The following DPYD variants were observed in gnomAD, a reference collection of about 807,000 sequenced individuals.
DPYD encodes dihydropyrimidine dehydrogenase.
DPYD carries 109 observed loss-of-function variants against 116.2 expected under a neutral mutation model. That is an observed-to-expected ratio of 0.94 (90% CI 0.80 to 1.10). The LOEUF (loss-of-function observed/expected upper bound fraction) is 1.10. DPYD is among the 50% of genes least tolerant of loss of function. The pLI, the probability that DPYD is intolerant of heterozygous loss-of-function variation, is 0.00. For synonymous variants in DPYD, 440 were observed against 432.0 expected, an observed-to-expected ratio of 1.02 and a Z score of -0.23; for missense variants, 1,302 against 1,254.5, an observed-to-expected ratio of 1.04 and a Z score of -0.57.
chr1:97,532,366 G>A (rs1286713316), intron 12 of DPYD, among the ~76,000 whole-genome samples: 1 of 152,100 alleles, frequency 6.6e-6, no homozygotes, highest in Non-Finnish European at 1.5e-5. Flanking sequence ...TCTTTGTCTG[G>A]ATTTGGTAAC....
intron 3 of DPYD, among the ~76,000 whole-genome samples, chr1:97,801,487 T>C (rs376880484): frequency 6.6e-6 from 1 of 151,926 alleles, no homozygotes; most frequent in Non-Finnish European, 1.5e-5. Context: ...TTAAAGATTT[T>C]TAAAATGTAA....
At chr1:97,917,291 C>T (rs1674265628) in intron 1 of DPYD, among the ~76,000 whole-genome samples, 1 of 152,092 alleles carries the variant, frequency 6.6e-6, no homozygotes, top group Admixed American at 6.5e-5. Context: ...ATCCATGATT[C>T]TCCTTCCTCC....
intron 13 of DPYD, among the ~76,000 whole-genome samples, chr1:97,469,548 G>C (rs1355693145): frequency 6.6e-6 from 1 of 151,676 alleles, no homozygotes; most frequent in Admixed American, 6.6e-5. Context: ...ATAGGTATAA[G>C]CATCACTGTT....
At chr1:97,408,294 G>A (rs1334481492) in intron 14 of DPYD, among the ~76,000 whole-genome samples, 1 of 152,164 alleles carries the variant, frequency 6.6e-6, no homozygotes, top group African/African-American at 2.4e-5. Flanking sequence ...ACCAGCTACA[G>A]AAATGAGGAC....
intron 1 of DPYD, among the ~76,000 whole-genome samples, chr1:97,907,055 T>C (rs924969379): frequency 3.3e-5 from 5 of 151,946 alleles, no homozygotes; most frequent in Admixed American, 6.6e-5. Context: ...GCAGGGAGCT[T>C]AGAAAGTGTG....
intron 16 of DPYD, among the ~76,000 whole-genome samples, chr1:97,325,656 T>TA (rs1341336897): frequency 6.6e-6 from 1 of 152,034 alleles, no homozygotes; most frequent in Non-Finnish European, 1.5e-5. Context: ...GATTACTTTT[T>TA]ATTAACTTCT....
chr1:97,882,850 T>C (rs747315311), intron 2 of DPYD, among the ~76,000 whole-genome samples: 3 of 152,060 alleles, frequency 2.0e-5, no homozygotes, highest in Non-Finnish European at 4.4e-5. Context: ...GCTTTCTTCA[T>C]TTAGACTATA....
chr1:97,345,775 T>C (rs140767185), intron 16 of DPYD, among the ~76,000 whole-genome samples: 56 of 152,040 alleles, frequency 3.7e-4, no homozygotes, highest in Middle Eastern at 3.4e-3. Flanking sequence ...TGATAACATA[T>C]AGTATGCATA....
intron 8 of DPYD, among the ~76,000 whole-genome samples, chr1:97,638,845 G>C (rs2100812282): frequency 6.6e-6 from 1 of 152,172 alleles, no homozygotes; most frequent in Middle Eastern, 3.4e-3. Flanking sequence ...ACAATGCCAA[G>C]CTATTCATGA....
chr1:97,242,198 T>C (rs1475068271), intron 18 of DPYD, among the ~76,000 whole-genome samples: 1 of 139,396 alleles, frequency 7.2e-6, no homozygotes, highest in Admixed American at 7.4e-5. Flanking sequence ...GAAGAATCTG[T>C]TCCATTAGTG....
chr1:97,407,992 G>C (rs1397789664), intron 14 of DPYD, among the ~76,000 whole-genome samples: 1 of 152,156 alleles, frequency 6.6e-6, no homozygotes, highest in Non-Finnish European at 1.5e-5. Flanking sequence ...AGCCTATCAA[G>C]ATGAAATCAG....
intron 16 of DPYD, among the ~76,000 whole-genome samples, chr1:97,340,657 C>T (rs1176489025): frequency 1.3e-5 from 2 of 152,098 alleles, no homozygotes; most frequent in Non-Finnish European, 2.9e-5. Flanking sequence ...GCTTGAGCAA[C>T]AGAGTGAGAC....
chr1:97,883,670 C>T (rs1472371333), intron 1 of DPYD, among the ~76,000 whole-genome samples: 1 of 151,898 alleles, frequency 6.6e-6, no homozygotes, highest in East Asian at 1.9e-4. Context: ...TGGTCTTGAA[C>T]TCCTGGTCTC....
At position 97,752,651 on chromosome 1, in the gene DPYD, T is replaced by A. The variant is rs185255602; in HGVS notation, c.234-12172A>T. Among the ~76,000 whole-genome samples, 58 of 152,322 alleles carry A rather than the reference T, an allele frequency of 3.8e-4. No individual in the cohort carries two copies. In the Middle Eastern group the frequency reaches 0.031, roughly 80 times the overall value. ...TTTTCAAACTGTGCATTCCACATGC[T>A]CTTCCCTTTCCTGAAGAGCCACACT... On this transcript the variant is annotated intron_variant, in intron 3 of 22. Transcript: ENST00000370192.
chr1:97,472,603 A>G (rs1487356573), intron 13 of DPYD, among the ~76,000 whole-genome samples: 1 of 152,246 alleles, frequency 6.6e-6, no homozygotes, highest in Non-Finnish European at 1.5e-5. Context: ...GAATACAGTA[A>G]GCAGATGATG....
chr1:97,311,144 C>A (rs1324534442), intron 16 of DPYD, among the ~76,000 whole-genome samples: 1 of 151,370 alleles, frequency 6.6e-6, no homozygotes, highest in East Asian at 1.9e-4. Context: ...GGAAATGTTC[C>A]ATTTTCTTTA....
At chr1:97,227,804 C>T (rs975415408) in intron 19 of DPYD, among the ~76,000 whole-genome samples, 3 of 151,702 alleles carry the variant, frequency 2.0e-5, no homozygotes, top group Non-Finnish European at 2.9e-5. Flanking sequence ...TTTGGTATAT[C>T]AAGTGATAAT....
In DPYD at chr1:97,727,025, A is replaced by G. The variant is rs143442237; in HGVS notation, c.322-5354T>C. Among the ~76,000 whole-genome samples the G allele has an allele frequency of 2.4e-3, 363 of 151,904 alleles. 5 individuals are homozygous for G. Among genetic ancestry groups the G allele is most frequent in the African/African-American group, 8.4e-3 (349 of 41,548 alleles). On this transcript the variant is annotated intron_variant, in intron 4 of 22. Transcript: ENST00000370192. ...ACTAAAATAAAATTTGTAGGAGGTT[A>G]AAAATTGTTTTAAGTTAGTAAGGAT...
intron 20 of DPYD, among the ~76,000 whole-genome samples, chr1:97,113,427 GGAA>G (rs1385130275): frequency 3.3e-5 from 5 of 152,052 alleles, no homozygotes; most frequent in Non-Finnish European, 5.9e-5. Flanking sequence ...ATTTCGTAGA[GGAA>G]GAAGAAGTGA....
Sources: allele counts gnomAD v4.1 joint callset (sites outside exome capture counted in the v4.1 genomes callset), GRCh38; gene constraint gnomAD v4.1.1; transcripts MANE v1.5; gene names NCBI Gene and HGNC (gene_info 2026-07-23, HGNC 2026-07-21).